The following STAP1 variants were observed in gnomAD, a reference collection of about 807,000 sequenced individuals.
STAP1 encodes the protein signal-transducing adaptor protein 1.
STAP1 carries 30 observed loss-of-function variants against 37.8 expected under a neutral mutation model. The ratio of observed to expected loss-of-function variants is 0.79; its 90% CI spans 0.59 to 1.08. The LOEUF (loss-of-function observed/expected upper bound fraction) is 1.08, where lower values mean the gene tolerates loss of function less well. STAP1 is among the 50% of genes least tolerant of loss of function. The pLI is 0.00. For missense variants in STAP1, 357 were observed against 349.4 expected (o/e 1.02, Z -0.17); for synonymous variants, 130 against 116.0 (o/e 1.12, Z -0.78).
intron 2 of STAP1, among the ~76,000 whole-genome samples, chr4:67,572,206 G>C (rs758653815): frequency 2.0e-5 from 3 of 152,170 alleles, no homozygotes; most frequent in Non-Finnish European, 4.4e-5. Flanking sequence ...CAGGAAACTG[G>C]TAGGAAACAG....
rs2109874679 is a variant in STAP1 at position 67,595,439 on chromosome 4, C to T, written c.826+2083C>T. ...TAGCACATGCCTGTAGTCCTAGCTA[C>T]TTGGGAGGGTGAGGCAGCCAGAAGT... On this transcript the variant is annotated intron_variant, in intron 8 of 8. Transcript: ENST00000265404. 2.7e-5 allele frequency among the ~76,000 whole-genome samples: 4 copies of T among 147,400 alleles called. No individual in the cohort carries two copies. The South Asian group carries it at 8.6e-4, about 32-fold the overall frequency.
At chr4:67,606,111 C>T (rs970142976) in intron 8 of STAP1, among the ~76,000 whole-genome samples, 185 bp from the exon 9 acceptor site, 5 of 152,146 alleles carry the variant, frequency 3.3e-5, no homozygotes, top group South Asian at 4.1e-4. Flanking sequence ...TACAAAGTTA[C>T]AGGTCCAGGA....
chr4:67,560,865 T>C (rs1362008092), intron 1 of STAP1, among the ~76,000 whole-genome samples: 1 of 152,170 alleles, frequency 6.6e-6, no homozygotes, highest in African/African-American at 2.4e-5. Flanking sequence ...TTCAGGTTGG[T>C]CTCAAACTCC....
intron 1 of STAP1, among the ~76,000 whole-genome samples, chr4:67,567,277 T>C (rs1226658291): frequency 1.3e-5 from 2 of 152,230 alleles, no homozygotes; most frequent in African/African-American, 4.8e-5. Flanking sequence ...TTCAATAATA[T>C]GCCCTTTTGA....
chr4:67,559,098 T>C (rs2109849849), intron 1 of STAP1, among the ~76,000 whole-genome samples, 169 bp downstream of exon 1: 1 of 152,292 alleles, frequency 6.6e-6, no homozygotes, highest in Admixed American at 6.5e-5. Context: ...AAATACAATG[T>C]CTGGCTTAAA....
intron 8 of STAP1, among the ~76,000 whole-genome samples, chr4:67,599,989 A>T (rs1042161551): frequency 2.6e-5 from 4 of 152,014 alleles, no homozygotes; most frequent in South Asian, 2.1e-4. Context: ...GTATTTTTTT[A>T]AATTTAAATT....
At chr4:67,590,999 C>G in intron 7 of STAP1, 46 bp downstream of exon 7, 1 of 1,480,662 alleles carries the variant, frequency 6.8e-7, no homozygotes, top group Non-Finnish European at 9.4e-7. Context: ...CTCCCGATTC[C>G]TTATAGCCTC....
chr4:67,575,447 G>A lies in STAP1; in HGVS notation c.255G>A (p.Lys85=). ...TTACTGAGCAGAATTCAACTGAAAA[G>A]AACTGTGCGAAATTCACCCTTGTTT... The part of the protein sequence containing the change: ...TCLTEQNSTE[K]NCAKFTLVLP... Residue 85 remains lysine (K), a synonymous_variant, in exon 3 of 9, where the codon AAG becomes AAA. Coordinates refer to ENST00000265404, the MANE Select transcript of STAP1 (RefSeq NM_012108.4). 1 of 1,607,984 alleles carries A rather than the reference G, an allele frequency of 6.2e-7. No homozygotes were observed. The highest frequency in any genetic ancestry group is 1.1e-5 in the South Asian group (1 of 89,468).
chr4:67,570,627 G>T (rs1301919786), intron 1 of STAP1, among the ~76,000 whole-genome samples: 2 of 151,320 alleles, frequency 1.3e-5, no homozygotes, highest in African/African-American at 4.9e-5. Context: ...GTACCACTAC[G>T]CTCCAGCCTG....
At chr4:67,597,572 T>A (rs1344105632) in intron 8 of STAP1, among the ~76,000 whole-genome samples, 1 of 152,156 alleles carries the variant, frequency 6.6e-6, no homozygotes, top group Non-Finnish European at 1.5e-5. Context: ...TGCCAGCCCA[T>A]GAAAGCAGCC....
chr4:67,569,687 A>G (rs920509550), intron 1 of STAP1, among the ~76,000 whole-genome samples: 6 of 152,144 alleles, frequency 3.9e-5, no homozygotes, highest in Non-Finnish European at 5.9e-5. Flanking sequence ...CGCAGGGTCA[A>G]GATTATCAAT....
intron 1 of STAP1, among the ~76,000 whole-genome samples, chr4:67,567,166 C>T (rs774297707): frequency 2.0e-5 from 3 of 152,060 alleles, no homozygotes; most frequent in African/African-American, 4.8e-5. Context: ...TTGACTGAGA[C>T]GTATCAGGTA....
intron 6 of STAP1, among the ~76,000 whole-genome samples, chr4:67,587,871 C>T (rs915519434): frequency 1.1e-4 from 16 of 151,420 alleles, no homozygotes; most frequent in Admixed American, 9.2e-4. Context: ...CAAGCATGTG[C>T]CACCACGCCT....
At position 67,606,448 on chromosome 4, in the gene STAP1, T is replaced by C; in HGVS notation, c.*91T>C. ...TTAAAGAGAATTACCTATATTCTCC[T>C]GATACTGATTACCAAGTCATTCACC... On this transcript the variant is annotated 3_prime_UTR_variant, in exon 9 of 9. Coordinates refer to ENST00000265404, the MANE Select transcript of STAP1 (RefSeq NM_012108.4). 1 of 1,042,678 alleles carries C rather than the reference T, an allele frequency of 9.6e-7. No homozygotes were observed. 64.6% of individuals were successfully genotyped at this position (1,042,678 alleles called of 1,614,324 possible). A position where few individuals can be genotyped will look rare whatever the true frequency, so the allele number is the denominator to read the frequency against.
Position 67,571,154 on chromosome 4 carries a change from T to C in STAP1, c.191T>C (p.Ile64Thr), listed in dbSNP as rs1560457696. ...LFFYTDKKSI[I>T]YVDKLDIVDL... ...TTTTATACCGACAAAAAGAGTATAATAGTAAGTAAATATGTTGAGCTGATT... is the reference window on the plus strand; with the variant it reads ...TTTTATACCGACAAAAAGAGTATAACAGTAAGTAAATATGTTGAGCTGATT... The change falls in exon 2 of 9, where the codon ATA (isoleucine) becomes ACA (threonine). Residue 64 changes from isoleucine (I) to threonine (T), a missense_variant and splice_region_variant. By Grantham distance (89) the Ile-to-Thr change is moderately conservative. Coordinates refer to ENST00000265404, the MANE Select transcript of STAP1 (RefSeq NM_012108.4). 2.5e-6 allele frequency: 4 copies of C among 1,592,962 alleles called. No homozygotes were observed. Among genetic ancestry groups the C allele is most frequent in the Admixed American group, 1.7e-5 (1 of 59,910 alleles).
chr4:67,594,779 T>C (rs1244727705), intron 8 of STAP1, among the ~76,000 whole-genome samples: 1 of 152,226 alleles, frequency 6.6e-6, no homozygotes, highest in Non-Finnish European at 1.5e-5. Context: ...ACTTAAAATA[T>C]AACCCTACTG....
intron 6 of STAP1, among the ~76,000 whole-genome samples, chr4:67,587,850 A>G (rs1167204500): frequency 1.3e-5 from 2 of 151,002 alleles, no homozygotes; most frequent in Non-Finnish European, 2.9e-5. Context: ...CCTCCCGAGT[A>G]GCTGGGATTA....
intron 8 of STAP1, among the ~76,000 whole-genome samples, chr4:67,599,428 C>A (rs1014750986): frequency 6.6e-6 from 1 of 151,880 alleles, no homozygotes; most frequent in East Asian, 1.9e-4. Context: ...TTCATGGTTT[C>A]ATCTTGGTAG....
chr4:67,560,643 G>GTGTGT (rs1727313273), intron 1 of STAP1, among the ~76,000 whole-genome samples: 3 of 149,606 alleles, frequency 2.0e-5, no homozygotes, highest in South Asian at 4.2e-4. Context: ...TGTGTGTGTG[G>GTGTGT]GTGTGTGTCT....
Sources: allele counts gnomAD v4.1 joint callset (sites outside exome capture counted in the v4.1 genomes callset), GRCh38; gene constraint gnomAD v4.1.1; transcripts MANE v1.5; gene names NCBI Gene and HGNC (gene_info 2026-07-23, HGNC 2026-07-21).